Variants in ANO2 observed in about 807,000 individuals in gnomAD.
The protein encoded by ANO2 is anoctamin 2.
In ANO2, 101 loss-of-function variants were observed where a neutral mutation model predicts 124.2. That is an observed-to-expected ratio of 0.81 (90% CI 0.69 to 0.96). ANO2 has a LOEUF of 0.96. ANO2 is among the 40% of genes least tolerant of loss of function. The pLI, the probability that ANO2 is intolerant of heterozygous loss-of-function variation, is 0.00. For synonymous variants in ANO2, 486 were observed against 482.5 expected (o/e 1.01, Z -0.09); for missense variants, 1,293 against 1,274.5 (o/e 1.01, Z -0.22).
At chr12:5,591,917 AG>A (rs1339657918) in intron 20 of ANO2, among the ~76,000 whole-genome samples, 1 of 152,122 alleles carries the variant, frequency 6.6e-6, no homozygotes, top group Non-Finnish European at 1.5e-5. Context: ...GTGGCCTTGG[AG>A]TTGAGGTCAG....
chr12:5,674,533 G>A (rs554167279), intron 14 of ANO2, among the ~76,000 whole-genome samples: 1 of 152,174 alleles, frequency 6.6e-6, no homozygotes, highest in Non-Finnish European at 1.5e-5. Context: ...TGGCTGGCAC[G>A]TGGCTTGCAC....
chr12:5,565,384 A>G (rs1007714606), intron 24 of ANO2, among the ~76,000 whole-genome samples, 174 bp downstream of exon 24: 3 of 152,116 alleles, frequency 2.0e-5, no homozygotes, highest in African/African-American at 4.8e-5. Flanking sequence ...AGCCCTCTCA[A>G]GAGTCCTCCT....
intron 10 of ANO2, among the ~76,000 whole-genome samples, chr12:5,765,441 A>C (rs975285999): frequency 6.6e-6 from 1 of 152,224 alleles, no homozygotes; most frequent in African/African-American, 2.4e-5. Flanking sequence ...TTCAATTGAA[A>C]AAAAAAATTG....
intron 14 of ANO2, among the ~76,000 whole-genome samples, chr12:5,664,334 C>T (rs760174875): frequency 6.6e-6 from 1 of 152,082 alleles, no homozygotes; most frequent in Non-Finnish European, 1.5e-5. Context: ...CATCTATCCA[C>T]CCACCCATCT....
chr12:5,921,109 C>T lies in ANO2; in HGVS notation c.465G>A (p.Arg155=). 6.2e-7 allele frequency: 1 copy of T among 1,613,966 alleles called. No individual in the cohort carries two copies. The highest frequency in any genetic ancestry group is 8.5e-7 in the Non-Finnish European group (1 of 1,179,880). The change falls in exon 3 of 25, where the codon AGG becomes AGA. Residue 155 remains arginine, a synonymous_variant. Coordinates refer to ENST00000682330, the MANE Select transcript of ANO2 (RefSeq NM_001364791.2). The part of the protein sequence containing the change: ...LGPLDALEEE[R]KEQREEFEHN... ...GCTCAAATTCCTCCCGCTGCTCCTT[C>T]CTCTCCTCCTCCAGGGCATCGAGCG...
chr12:5,599,272 G>A (rs977837661), intron 20 of ANO2, among the ~76,000 whole-genome samples: 3 of 152,214 alleles, frequency 2.0e-5, no homozygotes, highest in Non-Finnish European at 4.4e-5. Context: ...ACTGTTGACT[G>A]AGCTGCTCCA....
chr12:5,728,120 C>T lies in ANO2; in HGVS notation c.1545+4400G>A, dbSNP rs746863818. Among the ~76,000 whole-genome samples, 5 of 152,212 alleles carry T rather than the reference C, an allele frequency of 3.3e-5. No individual in the cohort carries two copies. In the South Asian group the frequency reaches 6.2e-4, roughly 19 times the overall value. ...CGCACCCGGCCTCACCACTTCTATT[C>T]AGCATTGTACAGGAGATTCCAATCA... On this transcript the variant is annotated intron_variant, in intron 14 of 24. Coordinates refer to ENST00000682330, the MANE Select transcript of ANO2 (RefSeq NM_001364791.2).
chr12:5,835,482 T>A (rs1325642808), intron 4 of ANO2, among the ~76,000 whole-genome samples: 1 of 152,204 alleles, frequency 6.6e-6, no homozygotes, highest in African/African-American at 2.4e-5. Context: ...ACAAGGAGAC[T>A]GTTGATTCTA....
chr12:5,679,116 C>T (rs1319736652), intron 14 of ANO2, among the ~76,000 whole-genome samples: 4 of 152,148 alleles, frequency 2.6e-5, no homozygotes, highest in African/African-American at 9.7e-5. Context: ...TCCTTCCTTA[C>T]ACTTTGTACA....
intron 16 of ANO2, among the ~76,000 whole-genome samples, chr12:5,621,568 G>A (rs1326460607): frequency 8.5e-5 from 13 of 152,224 alleles, no homozygotes; most frequent in Non-Finnish European, 2.9e-5. Flanking sequence ...ACTGACAGGT[G>A]CGGGGAGGGC....
At position 5,794,075 on chromosome 12, in the gene ANO2, T is replaced by C. The variant is rs567351468; in HGVS notation, c.1055+5432A>G. On this transcript the variant is annotated intron_variant, in intron 10 of 24. Transcript: ENST00000682330. ...GTTTCTGCCTCACCTCAACCAGCTG[T>C]TGCTGCTTTTCTCTGTCTACCCTTC... Among the ~76,000 whole-genome samples the C allele has an allele frequency of 4.9e-4, 75 of 152,320 alleles. 3 individuals are homozygous for C. In the South Asian group the frequency reaches 0.015, roughly 31 times the overall value.
intron 14 of ANO2, among the ~76,000 whole-genome samples, chr12:5,652,994 T>C (rs1321680421): frequency 6.6e-6 from 1 of 152,234 alleles, no homozygotes; most frequent in Non-Finnish European, 1.5e-5. Context: ...TCCAGATTTT[T>C]ATATTTTGAA....
intron 7 of ANO2, among the ~76,000 whole-genome samples, chr12:5,820,649 A>G (rs1953764554): frequency 6.6e-6 from 1 of 152,208 alleles, no homozygotes; most frequent in Non-Finnish European, 1.5e-5. Context: ...CAGAAACAAT[A>G]TCGCATCCCT....
intron 3 of ANO2, among the ~76,000 whole-genome samples, chr12:5,880,807 A>G (rs1938434351): frequency 8.9e-6 from 1 of 112,158 alleles, no homozygotes; most frequent in African/African-American, 3.4e-5. Flanking sequence ...TGGATGGATG[A>G]ATAGATGGGT....
At position 5,647,707 on chromosome 12, in the gene ANO2, T is replaced by A. The variant is rs1946715273; in HGVS notation, c.1620+20A>T. The A allele has an allele frequency of 6.3e-7, 1 of 1,589,330 alleles. No homozygotes were observed. The highest frequency in any genetic ancestry group is 1.7e-5 in the Admixed American group (1 of 58,696). On this transcript the variant is annotated intron_variant, in intron 15 of 24. Transcript: ENST00000682330. Reference sequence around the variant, plus strand: ...CTACATGCATGCAGTCACAGGCAAGTGGTCCCTCAAGGAAATTACCATGAA... The same window carrying A: ...CTACATGCATGCAGTCACAGGCAAGAGGTCCCTCAAGGAAATTACCATGAA...
At chr12:5,640,093 G>T (rs1018601602) in intron 15 of ANO2, among the ~76,000 whole-genome samples, 1 of 152,132 alleles carries the variant, frequency 6.6e-6, no homozygotes, top group Non-Finnish European at 1.5e-5. Flanking sequence ...GAGGAAATTC[G>T]TCTTTGTCCA....
Position 5,922,754 on chromosome 12 carries a change from A to G in ANO2, c.73T>C (p.Ser25Pro). 1 of 1,579,996 alleles carries G rather than the reference A, an allele frequency of 6.3e-7. No individual in the cohort carries two copies. The highest frequency in any genetic ancestry group is 8.6e-7 in the Non-Finnish European group (1 of 1,163,616). ...TGTTTGGGGCCCTGGCCCCCTCTGG[A>G]CCCTGCCTGAGGGCTCAGCCGGCGT... is the stretch of plus-strand genomic sequence containing the variant. ...SPRRLSPQAGSRGGQGPKHGQ... is the reference protein window; with the variant it reads ...SPRRLSPQAGPRGGQGPKHGQ... Residue 25 changes from serine to proline, a missense_variant, in exon 2 of 25, where the codon TCC becomes CCC. Coordinates refer to ENST00000682330, the MANE Select transcript of ANO2 (RefSeq NM_001364791.2).
chr12:5,635,336 T>C lies in ANO2; in HGVS notation c.1632A>G (p.Thr544=), dbSNP rs1945957635. ...CTATCACCCCAAAGACGATTGAGAATGTCAGGGCAATCTGTTTGGGAAAAC... is the reference window on the plus strand; with the variant it reads ...CTATCACCCCAAAGACGATTGAGAACGTCAGGGCAATCTGTTTGGGAAAAC... The part of the protein sequence containing the change: ...FASILFMIAL[T]FSIVFGVIVY... Residue 544 remains threonine (T), a synonymous_variant, in exon 16 of 25, where the codon ACA becomes ACG. Transcript: ENST00000682330. The surrounding 1 kb of genome is among the most constrained non-coding windows in gnomAD (Gnocchi z 5.2). The C allele has an allele frequency of 6.4e-7, 1 of 1,572,076 alleles. No individual in the cohort carries two copies. The highest frequency in any genetic ancestry group is 8.6e-7 in the Non-Finnish European group (1 of 1,163,422).
intron 3 of ANO2, among the ~76,000 whole-genome samples, chr12:5,901,965 A>C (rs185410770): frequency 1.4e-4 from 21 of 152,292 alleles, no homozygotes; most frequent in Non-Finnish European, 2.1e-4. Context: ...GTTGCTCTGG[A>C]GGGATTTCGG....
Sources: gnomAD v4.1 joint callset for allele counts (sites outside exome capture counted in the v4.1 genomes callset) on GRCh38, gnomAD v4.1.1 for gene constraint, Gnocchi (gnomAD v3.1) non-coding constraint, MANE v1.5 for transcripts, NCBI Gene and HGNC (gene_info 2026-07-23, HGNC 2026-07-21) for gene names.